The following NR6A1 variants were observed in gnomAD, a reference collection of about 807,000 sequenced individuals.
NR6A1 encodes the protein nuclear receptor subfamily 6 group A member 1, also known as retinoic acid receptor-related testis-associated receptor.
NR6A1 carries 7 observed loss-of-function variants against 59.1 expected under a neutral mutation model. The observed-to-expected ratio is 0.12, with a 90% confidence interval of 0.07 to 0.22. The LOEUF (loss-of-function observed/expected upper bound fraction) is 0.22. Among genes scored for constraint, NR6A1 ranks in the 10% least tolerant of loss-of-function variants. The probability of loss-of-function intolerance (pLI) is 1.00; values close to 1 mark genes in which losing one functional copy is unlikely to be tolerated. For synonymous variants in NR6A1, 243 were observed against 236.1 expected, an observed-to-expected ratio of 1.03 and a Z score of -0.27; for missense variants, 468 against 611.6, an observed-to-expected ratio of 0.77 and a Z score of 2.48.
Position 124,595,910 on chromosome 9 carries a change from G to C in NR6A1, c.143-41340C>G, listed in dbSNP as rs113387407. 1,342 of 905,804 alleles carry C rather than the reference G, an allele frequency of 1.5e-3. 18 individuals are homozygous for C. In the African/African-American group the frequency reaches 0.021, roughly 14 times the overall value. 56.1% of individuals were successfully genotyped at this position (905,804 alleles called of 1,614,324 possible). On this transcript the variant is annotated intron_variant, in intron 2 of 9. Transcript: ENST00000487099. ...CTACGACAGTCATCCTCACAGGTCAGTTTACAAGCTGGTCATGTGATTGCA... is the reference window on the plus strand; with the variant it reads ...CTACGACAGTCATCCTCACAGGTCACTTTACAAGCTGGTCATGTGATTGCA...
At chr9:124,677,138 G>GAT (rs1224606088) in intron 2 of NR6A1, among the ~76,000 whole-genome samples, 1 of 152,036 alleles carries the variant, frequency 6.6e-6, no homozygotes, top group East Asian at 1.9e-4. Context: ...TCATAAACTA[G>GAT]ATATATAATT....
chr9:124,552,465 T>C (rs2131380910), intron 3 of NR6A1, among the ~76,000 whole-genome samples: 1 of 152,290 alleles, frequency 6.6e-6, no homozygotes, highest in African/African-American at 2.4e-5. Flanking sequence ...GGGACAAACT[T>C]GGTAACACTT....
chr9:124,733,811 G>A (rs924031124), intron 1 of NR6A1, among the ~76,000 whole-genome samples: 2 of 152,194 alleles, frequency 1.3e-5, no homozygotes, highest in African/African-American at 2.4e-5. Context: ...GTAATATCAT[G>A]TAAATTTTTC....
At chr9:124,576,996 T>C (rs184620469) in intron 2 of NR6A1, among the ~76,000 whole-genome samples, 138 of 152,248 alleles carry the variant, frequency 9.1e-4, no homozygotes, top group Middle Eastern at 3.4e-3. Flanking sequence ...GTTGAGGCTG[T>C]GGTGAGCCAT....
intron 2 of NR6A1, among the ~76,000 whole-genome samples, chr9:124,585,685 T>C (rs766357266): frequency 1.6e-4 from 24 of 151,940 alleles, no homozygotes; most frequent in Non-Finnish European, 4.4e-5. Flanking sequence ...GGGCCTTATA[T>C]TGGAAGAAGA....
At chr9:124,679,287 G>C (rs1838052096) in intron 2 of NR6A1, among the ~76,000 whole-genome samples, 2 of 152,062 alleles carry the variant, frequency 1.3e-5, no homozygotes, top group Non-Finnish European at 2.9e-5. Context: ...CCAATTACTG[G>C]CTATATTGTG....
chr9:124,667,430 C>T (rs559388577), intron 2 of NR6A1, among the ~76,000 whole-genome samples: 1 of 152,164 alleles, frequency 6.6e-6, no homozygotes. Flanking sequence ...ATCTAAAATA[C>T]GTGCTACAGG....
In NR6A1 at chr9:124,695,021, T is replaced by C. The variant is rs149469251; in HGVS notation, c.142+38287A>G. Among the ~76,000 whole-genome samples, 665 of 152,348 alleles carry C rather than the reference T, an allele frequency of 4.4e-3. 5 individuals are homozygous for C. Among genetic ancestry groups the C allele is most frequent in the African/African-American group, 0.015 (618 of 41,582 alleles). On this transcript the variant is annotated intron_variant, in intron 2 of 9. Coordinates refer to ENST00000487099, the MANE Select transcript of NR6A1 (RefSeq NM_033334.4). ...GAGCCCTACTCTAGACGAGGTGATT[T>C]TGGGTCACTGGAAGCTGGAAGCAAA... is the stretch of plus-strand genomic sequence containing the variant.
At chr9:124,538,901 TA>T (rs1833361860) in intron 5 of NR6A1, among the ~76,000 whole-genome samples, 1 of 24,022 alleles carries the variant, frequency 4.2e-5, no homozygotes, top group Non-Finnish European at 7.4e-5. Context: ...CTCTGTCAAC[TA>T]ATTAAAAAAA....
intron 2 of NR6A1, chr9:124,595,938 G>C: frequency 3.4e-6 from 2 of 581,728 alleles, no homozygotes; most frequent in Non-Finnish European, 5.4e-6. Flanking sequence ...TGATTGCAAA[G>C]TTCAGGCTCT....
At chr9:124,672,527 A>T (rs142430382) in intron 2 of NR6A1, among the ~76,000 whole-genome samples, 37 of 152,196 alleles carry the variant, frequency 2.4e-4, no homozygotes, top group African/African-American at 7.5e-4. Context: ...AGGCAGGAGA[A>T]TCGCTTGACC....
At chr9:124,724,073 T>C (rs940445383) in intron 2 of NR6A1, among the ~76,000 whole-genome samples, 2 of 152,232 alleles carry the variant, frequency 1.3e-5, no homozygotes, top group African/African-American at 4.8e-5. Context: ...TAAAGCTATT[T>C]ACTTATTTAA....
intron 2 of NR6A1, among the ~76,000 whole-genome samples, chr9:124,678,379 A>G (rs1838027358): frequency 6.6e-6 from 1 of 152,230 alleles, no homozygotes; most frequent in African/African-American, 2.4e-5. Context: ...TAGTATTTCA[A>G]TCAAATGACA....
rs544838548 is a variant in NR6A1, at chr9:124,557,191, C to T, written c.143-2621G>A. On this transcript the variant is annotated intron_variant, in intron 2 of 9. Transcript: ENST00000487099. ...TAGCCCAGGCTGGAGTGCAGTAGCG[C>T]GATCTTGGCTCACTGCAACCTCTGC... 1.3e-4 allele frequency among the ~76,000 whole-genome samples: 20 copies of T among 152,210 alleles called. No individual in the cohort carries two copies. In the South Asian group the frequency reaches 3.7e-3, roughly 28 times the overall value.
chr9:124,660,093 T>C (rs757678432), intron 2 of NR6A1, among the ~76,000 whole-genome samples: 2 of 152,204 alleles, frequency 1.3e-5, no homozygotes, highest in Non-Finnish European at 2.9e-5. Context: ...TCTCTCTTAC[T>C]TTCTGCATCT....
intron 2 of NR6A1, among the ~76,000 whole-genome samples, chr9:124,618,097 C>G (rs540873214): frequency 6.6e-6 from 1 of 152,316 alleles, no homozygotes; most frequent in Non-Finnish European, 1.5e-5. Flanking sequence ...ACATATCCAT[C>G]ACAAATGTCT....
intron 1 of NR6A1, among the ~76,000 whole-genome samples, chr9:124,766,751 G>A (rs1163114887): frequency 6.6e-6 from 1 of 152,194 alleles, no homozygotes; most frequent in African/African-American, 2.4e-5. Context: ...CAAAGATCTC[G>A]ATGAATTTGC....
chr9:124,595,723 G>T, intron 2 of NR6A1: 1 of 1,199,726 alleles, frequency 8.3e-7, no homozygotes, highest in Non-Finnish European at 1.1e-6. Context: ...CTAACCCTTA[G>T]ATTTGGGCCC....
chr9:124,533,951 G>A (rs1236091504), intron 7 of NR6A1, among the ~76,000 whole-genome samples: 1 of 151,674 alleles, frequency 6.6e-6, no homozygotes, highest in Non-Finnish European at 1.5e-5. Flanking sequence ...ACCCGGCCAG[G>A]GGCACCTTTT....
Sources: gnomAD v4.1 joint callset for allele counts (sites outside exome capture counted in the v4.1 genomes callset) on GRCh38, gnomAD v4.1.1 for gene constraint, MANE v1.5 for transcripts, NCBI Gene and HGNC (gene_info 2026-07-23, HGNC 2026-07-21) for gene names.